The following BRAF variants were observed in gnomAD, a reference collection of about 807,000 sequenced individuals.
The protein encoded by BRAF is B-Raf proto-oncogene, serine/threonine kinase.
Under a neutral mutation model 104.6 loss-of-function variants are expected in BRAF, and 16 were observed. The observed-to-expected ratio is 0.15, with a 90% CI of 0.10 to 0.23. The LOEUF is 0.23. BRAF is among the 10% of genes least tolerant of loss of function. The probability of loss-of-function intolerance (pLI) is 1.00; values close to 1 mark genes in which losing one functional copy is unlikely to be tolerated. For synonymous variants in BRAF, 310 were observed against 341.6 expected, an observed-to-expected ratio of 0.91 and a Z score of 1.02; for missense variants, 541 against 937.3, an observed-to-expected ratio of 0.58 and a Z score of 5.52.
At chr7:140,908,117 T>C (rs1026589665) in intron 1 of BRAF, among the ~76,000 whole-genome samples, 1 of 152,240 alleles carries the variant, frequency 6.6e-6, no homozygotes, top group Admixed American at 6.5e-5. Context: ...GTGATTGTTT[T>C]AAATCCATCT....
At chr7:140,740,146 A>G in intron 17 of BRAF, 200 bp from the exon 17 acceptor site, 1 of 578,648 alleles carries the variant, frequency 1.7e-6, no homozygotes, top group Non-Finnish European at 3.0e-6. Flanking sequence ...TCAAATCTTC[A>G]TGATCCTTGG....
At chr7:140,741,733 T>A (rs1313369213) in intron 17 of BRAF, 1 of 151,526 alleles carries the variant, frequency 6.6e-6, no homozygotes, top group African/African-American at 2.4e-5. Flanking sequence ...CTGAGGAGGG[T>A]GGATCATGAG....
At chr7:140,857,383 C>T (rs1809911959) in intron 1 of BRAF, among the ~76,000 whole-genome samples, 1 of 151,972 alleles carries the variant, frequency 6.6e-6, no homozygotes, top group African/African-American at 2.4e-5. Flanking sequence ...TGATTTTTGC[C>T]CAGTAAAACA....
At chr7:140,750,032 T>C (rs898597417) in intron 16 of BRAF, among the ~76,000 whole-genome samples, 2 of 152,218 alleles carry the variant, frequency 1.3e-5, no homozygotes, top group East Asian at 3.8e-4. Context: ...ATAAAGAATC[T>C]TCTGGCTGCT....
chr7:140,794,503 A>C, intron 7 of BRAF, 36 bp from the exon 8 acceptor site: 1 of 1,599,498 alleles, frequency 6.3e-7, no homozygotes, highest in Non-Finnish European at 8.6e-7. Flanking sequence ...TAAGATTCAG[A>C]GTAACGATAT....
At chr7:140,799,626 G>T in intron 7 of BRAF, 1 of 232,826 alleles carries the variant, frequency 4.3e-6, no homozygotes, top group Non-Finnish European at 8.5e-6. Context: ...GGCCCGTTCA[G>T]ATTGTAGTAA....
intron 1 of BRAF, among the ~76,000 whole-genome samples, chr7:140,909,862 C>T (rs1454100523): frequency 6.6e-6 from 1 of 151,942 alleles, no homozygotes; most frequent in African/African-American, 2.4e-5. Flanking sequence ...GTGCCTCATA[C>T]ACAAAATGGA....
intron 1 of BRAF, among the ~76,000 whole-genome samples, chr7:140,857,828 G>A (rs2129080374): frequency 1.3e-5 from 2 of 152,120 alleles, no homozygotes; most frequent in East Asian, 3.9e-4. Flanking sequence ...TACTGTAATT[G>A]ACTATAACAG....
chr7:140,869,219 G>C (rs556378171), intron 1 of BRAF, among the ~76,000 whole-genome samples: 2 of 152,304 alleles, frequency 1.3e-5, no homozygotes, highest in Admixed American at 1.3e-4. Flanking sequence ...GGAGATAAAA[G>C]TTTGGAAGTT....
rs1346409405 is a variant in BRAF, at chr7:140,726,505, C to A, written c.2413G>T (p.Ala805Ser). 6.5e-7 allele frequency: 1 copy of A among 1,536,378 alleles called. No homozygotes were observed. The highest frequency in any genetic ancestry group is 8.7e-7 in the Non-Finnish European group (1 of 1,146,898). ...TGCCATGATGGTGGCTACTTGAAGG[C>A]TGCAAATTCTCCTGTAGAGGGAGGA... Reference protein sequence around the residue: ...IQAGGYGEFAAFK With the variant: ...IQAGGYGEFASFK Residue 805 changes from alanine (A) to serine (S), a missense_variant, in exon 20 of 20, where the codon GCC becomes TCC. Around this residue, in one of 10 missense-constraint regions of BRAF, gnomAD observed 129 missense variants for 285.8 expected, o/e 0.45. Transcript: ENST00000644969.
chr7:140,864,687 A>G (rs150530985), intron 1 of BRAF, among the ~76,000 whole-genome samples: 1 of 152,258 alleles, frequency 6.6e-6, no homozygotes, highest in African/African-American at 2.4e-5. Flanking sequence ...AACACATAAT[A>G]GTGGCTAGAA....
intron 3 of BRAF, among the ~76,000 whole-genome samples, chr7:140,827,000 T>C (rs867840177): frequency 5.3e-5 from 8 of 152,084 alleles, no homozygotes; most frequent in Admixed American, 2.6e-4. Flanking sequence ...TATCAAGGAG[T>C]CTAGGGCTAT....
chr7:140,818,548 G>C (rs966337327), intron 3 of BRAF, among the ~76,000 whole-genome samples: 1 of 152,046 alleles, frequency 6.6e-6, no homozygotes, highest in Admixed American at 6.6e-5. Flanking sequence ...CCTGACCTCA[G>C]GTGATCCGCC....
intron 1 of BRAF, among the ~76,000 whole-genome samples, chr7:140,873,376 G>A (rs1280981636): frequency 6.6e-6 from 1 of 152,026 alleles, no homozygotes; most frequent in Non-Finnish European, 1.5e-5. Flanking sequence ...CACCATGTTG[G>A]CCAGGCTGGT....
intron 18 of BRAF, among the ~76,000 whole-genome samples, chr7:140,739,191 T>C (rs1019403523): frequency 1.3e-5 from 2 of 152,128 alleles, no homozygotes; most frequent in Admixed American, 6.6e-5. Context: ...GTCAAAACTA[T>C]TTTTGTAATA....
chr7:140,859,045 G>C (rs1381767289), intron 1 of BRAF, among the ~76,000 whole-genome samples: 1 of 152,054 alleles, frequency 6.6e-6, no homozygotes, highest in Non-Finnish European at 1.5e-5. Context: ...ACATTAGCCA[G>C]AGCCAATTAA....
intron 19 of BRAF, among the ~76,000 whole-genome samples, chr7:140,729,258 G>A (rs1045404300): frequency 6.6e-6 from 1 of 151,678 alleles, no homozygotes; most frequent in Non-Finnish European, 1.5e-5. Context: ...ACACACACAC[G>A]CACACAACTT....
chr7:140,739,994 G>A (rs1288478771), intron 17 of BRAF, 48 bp from the exon 17 acceptor site: 1 of 1,573,274 alleles, frequency 6.4e-7, no homozygotes, highest in African/African-American at 1.3e-5. Flanking sequence ...TAGATAAGTT[G>A]AAAAATATAC....
rs56980449 is a variant in BRAF, at chr7:140,778,737, C to CAA, written c.1553-664_1553-663dup. Reference sequence around the variant, plus strand: ...GAAAATGATATTTTATTAAAATCATCAAAAAAAAAAAACTTTATGTGAAAC... The same window carrying CAA: ...GAAAATGATATTTTATTAAAATCATCAAAAAAAAAAAAAACTTTATGTGAAAC... On this transcript the variant is annotated intron_variant, in intron 12 of 19. Coordinates refer to ENST00000644969, the MANE Select transcript of BRAF (RefSeq NM_001374258.1). Among the ~76,000 whole-genome samples, 9 of 140,826 alleles carry CAA rather than the reference C, an allele frequency of 6.4e-5. No homozygotes were observed. The East Asian group carries it at 1.8e-3, about 29-fold the overall frequency. The allele number at this position is 140,826 out of a possible 152,430, so 92.4% of individuals were successfully genotyped here.
Sources: gnomAD v4.1 joint callset for allele counts (sites outside exome capture counted in the v4.1 genomes callset) on GRCh38, gnomAD v4.1.1 for gene constraint, gnomAD v4.1.1 regional missense constraint, MANE v1.5 for transcripts, NCBI Gene and HGNC (gene_info 2026-07-23, HGNC 2026-07-21) for gene names.